Variants in LFNG observed in about 807,000 individuals in gnomAD.
The protein encoded by LFNG is LFNG O-fucosylpeptide 3-beta-N-acetylglucosaminyltransferase.
Under a neutral mutation model 32.7 loss-of-function variants are expected in LFNG, and 15 were observed. The observed-to-expected ratio is 0.46, with a 90% CI of 0.31 to 0.71. The LOEUF (loss-of-function observed/expected upper bound fraction) is 0.71. LFNG is among the 30% of genes least tolerant of loss of function. LFNG has a pLI of 0.06. For synonymous variants in LFNG, 274 were observed against 246.8 expected, an observed-to-expected ratio of 1.11 and a Z score of -1.03; for missense variants, 520 against 545.7, an observed-to-expected ratio of 0.95 and a Z score of 0.47.
At chr7:2,521,213 T>C (rs909712663) in intron 1 of LFNG, among the ~76,000 whole-genome samples, 1 of 151,726 alleles carries the variant, frequency 6.6e-6, no homozygotes, top group African/African-American at 2.4e-5. Flanking sequence ...GGTGAGGTCA[T>C]GAGGGCGACG....
chr7:2,513,447 G>A (rs188734244), upstream of LFNG: 486 of 1,144,458 alleles, frequency 4.2e-4, 1 homozygote, highest in African/African-American at 7.2e-3. Context: ...GATGGCCCAT[G>A]GTAGCGATGG....
rs766072399 is a variant in LFNG at position 2,520,192 on chromosome 7, G to A, written c.331G>A (p.Ala111Thr). The A allele has an allele frequency of 6.3e-7, 1 of 1,579,092 alleles. No homozygotes were observed. Among genetic ancestry groups the A allele is most frequent in the Admixed American group, 1.8e-5 (1 of 56,876 alleles). ...GHPRPLAEPL[A>T]PRDVFIAVKT... is the part of the protein sequence containing the mutation. ...CCCGCGCCCCCTGGCCGAGCCGCTC[G>A]CGCCCCGAGACGTCTTCATCGCTGT... is the stretch of plus-strand genomic sequence containing the variant. Residue 111 changes from alanine to threonine, a missense_variant, in exon 1 of 8, where the codon GCG (alanine) becomes ACG (threonine). This residue lies in a region of LFNG where 360 missense variants were observed against 354.7 expected (regional missense o/e 1.01). Transcript: ENST00000222725. This position sits in a 1 kb window ranked among gnomAD's most constrained non-coding sequence, Gnocchi z 5.0.
intron 1 of LFNG, among the ~76,000 whole-genome samples, chr7:2,521,489 C>G (rs1056427892): frequency 2.0e-5 from 3 of 152,240 alleles, no homozygotes; most frequent in African/African-American, 2.4e-5. Flanking sequence ...CTACGCGCTC[C>G]GTGGGAACCG....
chr7:2,521,371 C>T (rs1279558809), intron 1 of LFNG, among the ~76,000 whole-genome samples: 2 of 152,194 alleles, frequency 1.3e-5, no homozygotes, highest in African/African-American at 4.8e-5. Flanking sequence ...TGTTTGGCGG[C>T]CGGGCCGTTA....
At chr7:2,513,112 AT>A, upstream of LFNG, 1 of 1,606,836 alleles carries the variant, frequency 6.2e-7, no homozygotes. Context: ...GGCTGGACCC[AT>A]TTTTCTAACC....
chr7:2,520,069 G>A lies in LFNG; in HGVS notation c.208G>A (p.Asp70Asn). 6.5e-6 allele frequency: 8 copies of A among 1,228,352 alleles called. No homozygotes were observed. The highest frequency in any genetic ancestry group is 8.2e-6 in the Non-Finnish European group (8 of 978,046). The allele number at this position is 1,228,352 out of a possible 1,614,324, so 76.1% of individuals were successfully genotyped here. ...AAAAPGALVRDVHSLSEYFSL... is the reference protein window; with the variant it reads ...AAAAPGALVRNVHSLSEYFSL... ...GGCGGCGCCCGGGGCGCTGGTCCGC[G>A]ACGTGCACAGTCTGTCCGAGTACTT... The change falls in exon 1 of 8, where the codon GAC (aspartate) becomes AAC (asparagine). Residue 70 changes from aspartate (D) to asparagine (N), a missense_variant. Asp to Asn is a conservative substitution (Grantham distance 23). Coordinates refer to ENST00000222725, the MANE Select transcript of LFNG (RefSeq NM_001040167.2). The surrounding 1 kb of genome is among the most constrained non-coding windows in gnomAD (Gnocchi z 5.0).
intron 2 of LFNG, 98 bp downstream of exon 2, chr7:2,524,841 C>A: frequency 8.6e-7 from 1 of 1,167,944 alleles, no homozygotes; most frequent in Non-Finnish European, 1.2e-6. Flanking sequence ...GAGAGGTCAC[C>A]AAGGGCAGGA....
upstream of LFNG, among the ~76,000 whole-genome samples, chr7:2,515,048 GTCCA>G (rs1554289653): frequency 1.3e-4 from 7 of 52,012 alleles, no homozygotes; most frequent in Non-Finnish European, 2.4e-4. Flanking sequence ...CCATCCATCT[GTCCA>G]TCCATCCATC....
At chr7:2,517,898 C>G, upstream of LFNG, 2 of 1,166,996 alleles carry the variant, frequency 1.7e-6, no homozygotes, top group Non-Finnish European at 2.2e-6. Flanking sequence ...GTGTGAGTGG[C>G]TATGATCCTA....
chr7:2,527,325 C>CGTGTGCGTGTGT lies in LFNG; in HGVS notation c.*124_*125insTGTGTGCGTGTG, dbSNP rs1350980544. ...AGGCTCCCCTAGGGCCGTGCCTGTG[C>CGTGTGCGTGTGT]GTGTGCGTGTGCGTGTGTGTGTGTG... On this transcript the variant is annotated 3_prime_UTR_variant, in exon 8 of 8. Coordinates refer to ENST00000222725, the MANE Select transcript of LFNG (RefSeq NM_001040167.2). This position sits in a 1 kb window ranked among gnomAD's most constrained non-coding sequence, Gnocchi z 4.4. 6.6e-7 allele frequency: 1 copy of CGTGTGCGTGTGT among 1,518,824 alleles called. No individual in the cohort carries two copies. Among genetic ancestry groups the CGTGTGCGTGTGT allele is most frequent in the African/African-American group, 1.4e-5 (1 of 69,272 alleles). 94.1% of individuals were successfully genotyped at this position (1,518,824 alleles called of 1,614,324 possible).
chr7:2,522,223 C>T (rs1779811735), intron 1 of LFNG, among the ~76,000 whole-genome samples: 1 of 152,168 alleles, frequency 6.6e-6, no homozygotes, highest in East Asian at 1.9e-4. Context: ...GGGAAGACTT[C>T]CTGGAGGAGG....
At position 2,520,370 on chromosome 7, in the gene LFNG, C is replaced by T. The variant is rs1437697622; in HGVS notation, c.432+77C>T. 7.5e-7 allele frequency: 1 copy of T among 1,331,244 alleles called. No individual in the cohort carries two copies. The highest frequency in any genetic ancestry group is 2.8e-5 in the East Asian group (1 of 36,346). 82.5% of individuals were successfully genotyped at this position (1,331,244 alleles called of 1,614,324 possible). On this transcript the variant is annotated intron_variant, in intron 1 of 7. Coordinates refer to ENST00000222725, the MANE Select transcript of LFNG (RefSeq NM_001040167.2). This position sits in a 1 kb window ranked among gnomAD's most constrained non-coding sequence, Gnocchi z 5.0. ...TCTGGTCCAGCTGGTGGCAGTGTCC[C>T]ATGGGAGTCAGGCTGCATCCCCATC...
At position 2,520,977 on chromosome 7, in the gene LFNG, A is replaced by T. The variant is rs1779770999; in HGVS notation, c.432+684A>T. ...CTTTGAACATTTCCCTCGAGGCCAC[A>T]GCAGGACGGTTGGGCTGGGGCGGGA... On this transcript the variant is annotated intron_variant, in intron 1 of 7. Coordinates refer to ENST00000222725, the MANE Select transcript of LFNG (RefSeq NM_001040167.2). The surrounding 1 kb of genome is among the most constrained non-coding windows in gnomAD (Gnocchi z 5.0). Among the ~76,000 whole-genome samples the T allele has an allele frequency of 6.6e-6, 1 of 152,124 alleles. No homozygotes were observed. The highest frequency in any genetic ancestry group is 2.4e-5 in the African/African-American group (1 of 41,414).
chr7:2,518,668 G>T, upstream of LFNG: 1 of 1,578,216 alleles, frequency 6.3e-7, no homozygotes, highest in Admixed American at 1.8e-5. Context: ...ATAACTCCGA[G>T]GGGGGCAGTT....
At chr7:2,515,785 G>A (rs1779614600), upstream of LFNG, among the ~76,000 whole-genome samples, 1 of 152,242 alleles carries the variant, frequency 6.6e-6, no homozygotes, top group Non-Finnish European at 1.5e-5. Context: ...AGGGGTCTGG[G>A]CATAGCAGGC....
At chr7:2,517,820 G>A (rs1779666565), upstream of LFNG, 35 of 1,200,808 alleles carry the variant, frequency 2.9e-5, no homozygotes, top group Non-Finnish European at 3.6e-5. Context: ...CACGAGGTGC[G>A]TGAATATCAG....
chr7:2,524,257 G>A (rs912729844), intron 1 of LFNG, among the ~76,000 whole-genome samples: 4 of 151,964 alleles, frequency 2.6e-5, no homozygotes, highest in Admixed American at 6.6e-5. Flanking sequence ...TGTCCCTCCC[G>A]CCACCCCGCC....
At chr7:2,521,431 C>G (rs936971309) in intron 1 of LFNG, among the ~76,000 whole-genome samples, 1 of 152,240 alleles carries the variant, frequency 6.6e-6, no homozygotes, top group Non-Finnish European at 1.5e-5. Context: ...GGCAAGGTAA[C>G]AAAGCCCCTT....
intron 5 of LFNG, 110 bp downstream of exon 5, chr7:2,525,880 C>T (rs1254729432): frequency 2.7e-5 from 25 of 920,916 alleles, no homozygotes; most frequent in Non-Finnish European, 3.9e-5. Flanking sequence ...TCCTGTGTGG[C>T]ACTGCCCACT....
Sources: gnomAD v4.1 joint callset for allele counts (sites outside exome capture counted in the v4.1 genomes callset) on GRCh38, gnomAD v4.1.1 for gene constraint, gnomAD v4.1.1 regional missense constraint, Gnocchi (gnomAD v3.1) non-coding constraint, MANE v1.5 for transcripts, NCBI Gene and HGNC (gene_info 2026-07-23, HGNC 2026-07-21) for gene names.